SPAG6: variants seen among roughly 807,000 people sequenced by gnomAD.
SPAG6 encodes sperm-associated antigen 6.
In SPAG6, 49 loss-of-function variants were observed where a neutral mutation model predicts 58.5. The ratio of observed to expected loss-of-function variants is 0.84; its 90% CI spans 0.67 to 1.06. The LOEUF (loss-of-function observed/expected upper bound fraction) is 1.06. Among genes scored for constraint, SPAG6 ranks in the 50% least tolerant of loss-of-function variants. The pLI is 0.00. For missense variants in SPAG6, 560 were observed against 611.3 expected, an observed-to-expected ratio of 0.92 and a Z score of 0.89; for synonymous variants, 233 against 225.6, an observed-to-expected ratio of 1.03 and a Z score of -0.29.
At position 22,404,652 on chromosome 10, in the gene SPAG6, G is replaced by GT. The variant is rs1449695559; in HGVS notation, c.1314+3381dup. 4.5e-4 allele frequency among the ~76,000 whole-genome samples: 60 copies of GT among 132,390 alleles called. 1 individual carries two copies. The South Asian group carries it at 0.016, about 35-fold the overall frequency. The allele number at this position is 132,390 out of a possible 152,430, so 86.9% of individuals were successfully genotyped here. On this transcript the variant is annotated intron_variant, in intron 9 of 10. Transcript: ENST00000376624. ...TTGGTTCCATATGAACTTTAAAGTAGTTTTTTCCAATTCTGTGAAGAAAGT... is the reference window on the plus strand; with the variant it reads ...TTGGTTCCATATGAACTTTAAAGTAGTTTTTTTCCAATTCTGTGAAGAAAGT...
chr10:22,364,482 A>C (rs1472236228), intron 2 of SPAG6, among the ~76,000 whole-genome samples: 1 of 152,092 alleles, frequency 6.6e-6, no homozygotes, highest in East Asian at 1.9e-4. Flanking sequence ...GAAATATAAG[A>C]TTTGCAAAGT....
At chr10:22,378,195 C>A (rs1329744463) in intron 4 of SPAG6, among the ~76,000 whole-genome samples, 1 of 151,544 alleles carries the variant, frequency 6.6e-6, no homozygotes, top group East Asian at 1.9e-4. Context: ...TCTCGAGTAG[C>A]TGGGATTGCA....
intron 4 of SPAG6, among the ~76,000 whole-genome samples, chr10:22,374,602 TAAA>T (rs764220934): frequency 1.2e-4 from 12 of 97,112 alleles, no homozygotes; most frequent in Admixed American, 2.2e-4. Flanking sequence ...ACCCTGTATG[TAAA>T]AAAAAAAAAA....
chr10:22,385,927 T>C (rs527396294), intron 4 of SPAG6, among the ~76,000 whole-genome samples: 66 of 152,194 alleles, frequency 4.3e-4, no homozygotes, highest in Non-Finnish European at 6.9e-4. Flanking sequence ...GAGTAGAATC[T>C]GTAACTGTGT....
chr10:22,413,066 C>CAAAAA (rs775680159), intron 10 of SPAG6: 2,497 of 43,240 alleles, frequency 0.058, 298 homozygotes, highest in African/African-American at 0.17. Context: ...CAGAAAGATG[C>CAAAAA]AAAAAAAAAA....
chr10:22,383,375 C>T (rs1473257099), intron 4 of SPAG6, among the ~76,000 whole-genome samples: 2 of 152,060 alleles, frequency 1.3e-5, no homozygotes, highest in Non-Finnish European at 2.9e-5. Flanking sequence ...CGCAGTGGCT[C>T]ACACCTGTAA....
rs1834881111 is a variant in SPAG6 at position 22,416,971 on chromosome 10, CACTCGT to C, written c.*286_*291del. 3.7e-6 allele frequency: 1 copy of C among 267,020 alleles called. No individual in the cohort carries two copies. Among genetic ancestry groups the C allele is most frequent in the African/African-American group, 2.2e-5 (1 of 45,584 alleles). 16.5% of individuals were successfully genotyped at this position (267,020 alleles called of 1,614,324 possible). A position where few individuals can be genotyped will look rare whatever the true frequency, so the allele number is the denominator to read the frequency against. On this transcript the variant is annotated 3_prime_UTR_variant, in exon 11 of 11. Transcript: ENST00000376624. ...TTGTTATTCTGTTAAAAACCACACACACTCGTACATGCAGACACCTCCAATGAGATA... is the reference window on the plus strand; with the variant it reads ...TTGTTATTCTGTTAAAAACCACACACACATGCAGACACCTCCAATGAGATA...
intron 7 of SPAG6, among the ~76,000 whole-genome samples, chr10:22,391,416 A>G (rs1455490652): frequency 1.3e-5 from 2 of 152,234 alleles, no homozygotes; most frequent in African/African-American, 4.8e-5. Flanking sequence ...ATTTAGTCAC[A>G]GTAAAATCTG....
At chr10:22,415,646 T>C (rs1834850351) in intron 10 of SPAG6, among the ~76,000 whole-genome samples, 1 of 152,140 alleles carries the variant, frequency 6.6e-6, no homozygotes, top group South Asian at 2.1e-4. Flanking sequence ...GCTTGATAAA[T>C]TGTGGAAGGA....
intron 8 of SPAG6, among the ~76,000 whole-genome samples, chr10:22,399,590 A>G (rs1013616489): frequency 2.0e-5 from 3 of 152,226 alleles, no homozygotes; most frequent in Non-Finnish European, 2.9e-5. Flanking sequence ...ATTATGATAT[A>G]CATTTCTATC....
chr10:22,351,477 G>T (rs1032793232), intron 2 of SPAG6, among the ~76,000 whole-genome samples: 1 of 152,220 alleles, frequency 6.6e-6, no homozygotes, highest in Admixed American at 6.5e-5. Flanking sequence ...GCCCTGGGCT[G>T]TCAGCTGCCT....
chr10:22,396,809 A>G (rs1025465349), intron 8 of SPAG6, among the ~76,000 whole-genome samples: 1 of 152,220 alleles, frequency 6.6e-6, no homozygotes, highest in Non-Finnish European at 1.5e-5. Flanking sequence ...TGAAGTTAGA[A>G]CTGTAGATGC....
chr10:22,378,696 G>T (rs1228246491), intron 4 of SPAG6, among the ~76,000 whole-genome samples: 2 of 152,142 alleles, frequency 1.3e-5, no homozygotes, highest in Admixed American at 1.3e-4. Context: ...GAGCTAAAAT[G>T]ACTTCAAATT....
intron 9 of SPAG6, among the ~76,000 whole-genome samples, chr10:22,407,106 G>A (rs1750629372): frequency 6.6e-6 from 1 of 151,826 alleles, no homozygotes; most frequent in African/African-American, 2.4e-5. Context: ...GCCAGTCTGT[G>A]TCTTTTAATT....
At chr10:22,406,197 T>C (rs1588561240) in intron 9 of SPAG6, among the ~76,000 whole-genome samples, 2 of 152,334 alleles carry the variant, frequency 1.3e-5, no homozygotes, top group Middle Eastern at 3.4e-3. Flanking sequence ...ATGTGTTTGC[T>C]CTTGCTTCTT....
intron 10 of SPAG6, among the ~76,000 whole-genome samples, chr10:22,414,340 G>A (rs541534943): frequency 6.6e-6 from 1 of 152,170 alleles, no homozygotes; most frequent in Non-Finnish European, 1.5e-5. Context: ...CCAGAGGGAA[G>A]GAATTTCCTG....
chr10:22,346,659 A>G (rs1363062288), intron 2 of SPAG6, among the ~76,000 whole-genome samples: 1 of 152,014 alleles, frequency 6.6e-6, no homozygotes, highest in Non-Finnish European at 1.5e-5. Context: ...TAAAACTAAC[A>G]CATAATTTAA....
At position 22,416,952 on chromosome 10, in the gene SPAG6, T is replaced by C. The variant is rs576189085; in HGVS notation, c.*264T>C. ...TAAAGGGCCTTAAGGCATTTTGTTA[T>C]TCTGTTAAAAACCACACACACTCGT... is the stretch of plus-strand genomic sequence containing the variant. On this transcript the variant is annotated 3_prime_UTR_variant, in exon 11 of 11. Transcript: ENST00000376624. 8.8e-5 allele frequency: 26 copies of C among 296,150 alleles called. No homozygotes were observed. Among genetic ancestry groups the C allele is most frequent in the African/African-American group, 5.6e-4 (26 of 46,662 alleles). 18.3% of individuals were successfully genotyped at this position (296,150 alleles called of 1,614,324 possible). A position where few individuals can be genotyped will look rare whatever the true frequency, so the allele number is the denominator to read the frequency against.
intron 10 of SPAG6, among the ~76,000 whole-genome samples, chr10:22,415,926 A>G (rs1233320648): frequency 3.3e-5 from 5 of 152,164 alleles, no homozygotes; most frequent in Non-Finnish European, 5.9e-5. Flanking sequence ...CTCACAATGC[A>G]CTGATCAACA....
Sources: allele counts gnomAD v4.1 joint callset (sites outside exome capture counted in the v4.1 genomes callset), GRCh38; gene constraint gnomAD v4.1.1; transcripts MANE v1.5; gene names NCBI Gene and HGNC (gene_info 2026-07-23, HGNC 2026-07-21).